Variants in CAPN5 observed in about 807,000 individuals in gnomAD.
The protein encoded by CAPN5 is calpain-5.
Under a neutral mutation model 73.0 loss-of-function variants are expected in CAPN5, and 54 were observed. That is an observed-to-expected ratio of 0.74 (90% CI 0.59 to 0.93). The LOEUF (loss-of-function observed/expected upper bound fraction) is 0.93. CAPN5 is among the 40% of genes least tolerant of loss of function. The probability of loss-of-function intolerance (pLI) is 0.00; values close to 1 mark genes in which losing one functional copy is unlikely to be tolerated. For synonymous variants in CAPN5, 335 were observed against 356.9 expected (o/e 0.94, Z 0.69); for missense variants, 785 against 882.9 (o/e 0.89, Z 1.41).
chr11:77,089,266 A>T lies in CAPN5; in HGVS notation c.165+4215A>T, dbSNP rs868972591. ...CTGCCTCAGGACACTTCGGGTCCCC[A>T]TTTCCCTCCTGAACCTCCCTGCTTA... is the stretch of plus-strand genomic sequence containing the variant. On this transcript the variant is annotated intron_variant, in intron 2 of 12. Coordinates refer to ENST00000648180, the MANE Select transcript of CAPN5 (RefSeq NM_004055.5). 2.0e-5 allele frequency among the ~76,000 whole-genome samples: 3 copies of T among 152,236 alleles called. 1 individual carries two copies. The highest frequency in any genetic ancestry group is 6.8e-3 in the Middle Eastern group (2 of 294).
intron 3 of CAPN5, among the ~76,000 whole-genome samples, chr11:77,098,267 C>T (rs1167045305): frequency 3.1e-5 from 3 of 96,202 alleles, no homozygotes; most frequent in Non-Finnish European, 4.2e-5. Context: ...GGCGTCTGGC[C>T]GGGCGGGGGG....
intron 3 of CAPN5, among the ~76,000 whole-genome samples, chr11:77,108,438 A>G (rs912779731): frequency 2.0e-5 from 3 of 152,142 alleles, no homozygotes; most frequent in Non-Finnish European, 2.9e-5. Flanking sequence ...TTGAAGTGGC[A>G]TGGGTGTTTG....
intron 3 of CAPN5, among the ~76,000 whole-genome samples, chr11:77,106,889 C>T (rs1277836157): frequency 6.6e-5 from 10 of 152,238 alleles, no homozygotes; most frequent in Admixed American, 2.6e-4. Flanking sequence ...TCCGAGAGAG[C>T]GGCCATGGGG....
At chr11:77,094,610 C>A (rs781868068) in intron 3 of CAPN5, among the ~76,000 whole-genome samples, 5 of 152,334 alleles carry the variant, frequency 3.3e-5, no homozygotes, top group Admixed American at 6.5e-5. Context: ...CTTCTGCCAT[C>A]CCTTGGGAGG....
chr11:77,093,074 C>G (rs1377251368), intron 2 of CAPN5, among the ~76,000 whole-genome samples: 2 of 152,384 alleles, frequency 1.3e-5, no homozygotes, highest in South Asian at 4.1e-4. Context: ...ATCTCTGAAC[C>G]TCCATTCCTC....
At chr11:77,083,315 G>A (rs193227316) in intron 1 of CAPN5, among the ~76,000 whole-genome samples, 9 of 152,134 alleles carry the variant, frequency 5.9e-5, no homozygotes, top group South Asian at 2.1e-4. Flanking sequence ...CACTGCCCGC[G>A]CTCGCCTCTT....
chr11:77,088,585 A>AGAT (rs1555035994), intron 2 of CAPN5, among the ~76,000 whole-genome samples: 1 of 152,154 alleles, frequency 6.6e-6, no homozygotes, highest in Non-Finnish European at 1.5e-5. Flanking sequence ...TTCCAGTCCC[A>AGAT]GATGGAAGTC....
rs142310320 is a variant in CAPN5 at position 77,088,038 on chromosome 11, T to C, written c.165+2987T>C. 2,287 of 1,535,578 alleles carry C rather than the reference T, an allele frequency of 1.5e-3. 28 individuals are homozygous for C. In the African/African-American group the frequency reaches 0.028, roughly 19 times the overall value. ...GCCTGGGAGCTCAGGGTGTCCGTCC[T>C]CCTCGCTCAGGGCCCGGGACCTGGT... On this transcript the variant is annotated intron_variant, in intron 2 of 12. Coordinates refer to ENST00000648180, the MANE Select transcript of CAPN5 (RefSeq NM_004055.5).
chr11:77,094,132 G>A (rs1950184349), intron 3 of CAPN5, among the ~76,000 whole-genome samples: 1 of 152,242 alleles, frequency 6.6e-6, no homozygotes, highest in Non-Finnish European at 1.5e-5. Flanking sequence ...ATCACATTTA[G>A]TGTGCAGACA....
intron 3 of CAPN5, among the ~76,000 whole-genome samples, chr11:77,110,245 G>C (rs1225860518): frequency 1.3e-5 from 2 of 151,826 alleles, no homozygotes; most frequent in African/African-American, 4.8e-5. Flanking sequence ...GCACCACCAC[G>C]CCCAGCTAAT....
chr11:77,118,431 C>A, intron 8 of CAPN5, 79 bp downstream of exon 8: 1 of 1,262,804 alleles, frequency 7.9e-7, no homozygotes, highest in Non-Finnish European at 1.1e-6. Context: ...GGGACTCCTG[C>A]ATGACCTTGG....
Position 77,114,251 on chromosome 11 carries a change from C to G in CAPN5, c.516C>G (p.Gly172=). The G allele has an allele frequency of 6.2e-7, 1 of 1,613,966 alleles. No individual in the cohort carries two copies. Among genetic ancestry groups the G allele is most frequent in the Non-Finnish European group, 8.5e-7 (1 of 1,179,866 alleles). The change falls in exon 5 of 13, where the codon GGC becomes GGG. Residue 172 remains glycine (G), a synonymous_variant. Coordinates refer to ENST00000648180, the MANE Select transcript of CAPN5 (RefSeq NM_004055.5). ...CCACATTGCTTCCCAGACTGGCAGG[C>G]TGTTACCAGGCCCTGGATGGAGGCA... ...LVEKAYAKLA[G]CYQALDGGNT... is the part of the protein sequence containing the mutation.
At chr11:77,094,476 A>G (rs913422986) in intron 3 of CAPN5, among the ~76,000 whole-genome samples, 1 of 152,256 alleles carries the variant, frequency 6.6e-6, no homozygotes, top group Non-Finnish European at 1.5e-5. Context: ...ACTTGGCAGC[A>G]GGGCCTTAGA....
chr11:77,108,952 G>A (rs138537333), intron 3 of CAPN5, among the ~76,000 whole-genome samples: 4 of 152,246 alleles, frequency 2.6e-5, no homozygotes, highest in East Asian at 3.9e-4. Context: ...AAATGGGGCC[G>A]TTTGTCCTGT....
In CAPN5 at chr11:77,118,358, C is replaced by CCTT; in HGVS notation, c.1167+6_1167+7insCTT. 6.4e-7 allele frequency: 1 copy of CCTT among 1,562,798 alleles called. No individual in the cohort carries two copies. The highest frequency in any genetic ancestry group is 8.7e-7 in the Non-Finnish European group (1 of 1,152,328). ...CCTTCTTCCAGAACCCACAGGTGGG[C>CCTT]GTTCTCAGGAACCCCCACCCTGCCC... On this transcript the variant is annotated splice_region_variant and intron_variant, in intron 8 of 12. Transcript: ENST00000648180.
At chr11:77,105,650 C>T (rs1195652900) in intron 3 of CAPN5, among the ~76,000 whole-genome samples, 8 of 152,204 alleles carry the variant, frequency 5.3e-5, no homozygotes, top group African/African-American at 9.7e-5. Flanking sequence ...CCTCAGGCAG[C>T]TCCCAACCCC....
rs781912140 is a variant in CAPN5 at position 77,118,172 on chromosome 11, C to T, written c.987C>T (p.Asp329=). ...DDGEFWMTFE[D]VCRYFTDIIK... ...CCACATCCAGGATGACCTTCGAGGACGTGTGCCGGTACTTCACGGACATCA... is the reference window on the plus strand; with the variant it reads ...CCACATCCAGGATGACCTTCGAGGATGTGTGCCGGTACTTCACGGACATCA... The change falls in exon 8 of 13, where the codon GAC becomes GAT. Residue 329 remains aspartate, a synonymous_variant. Transcript: ENST00000648180. The T allele has an allele frequency of 5.0e-5, 81 of 1,612,644 alleles. 1 individual carries two copies. The highest frequency in any genetic ancestry group is 3.3e-4 in the South Asian group (30 of 90,920).
chr11:77,116,165 G>C, intron 6 of CAPN5, 61 bp from the exon 7 acceptor site: 3 of 1,500,038 alleles, frequency 2.0e-6, no homozygotes, highest in Non-Finnish European at 2.7e-6. Context: ...TTGCCAGACA[G>C]ATTCTGGTGG....
intron 1 of CAPN5, among the ~76,000 whole-genome samples, chr11:77,081,225 G>T (rs1435839589): frequency 6.6e-6 from 1 of 152,162 alleles, no homozygotes; most frequent in Non-Finnish European, 1.5e-5. Flanking sequence ...ATTTTAGGGG[G>T]TGCCCTGAGG....
Sources: allele counts gnomAD v4.1 joint callset (sites outside exome capture counted in the v4.1 genomes callset), GRCh38; gene constraint gnomAD v4.1.1; transcripts MANE v1.5; gene names NCBI Gene and HGNC (gene_info 2026-07-23, HGNC 2026-07-21).